Variants in CSNK1G1 observed in about 807,000 individuals in gnomAD.
CSNK1G1 encodes the protein casein kinase 1 gamma 1.
A neutral mutation model predicts 59.6 loss-of-function variants in CSNK1G1; 22 were observed. The observed-to-expected ratio is 0.37, with a 90% CI of 0.26 to 0.53. The LOEUF (loss-of-function observed/expected upper bound fraction) is 0.53, where lower values mean the gene tolerates loss of function less well. Ranked by LOEUF, CSNK1G1 falls within the 20% of genes least tolerant of loss-of-function variation. CSNK1G1 has a pLI of 0.89. For synonymous variants in CSNK1G1, 179 were observed against 177.1 expected, an observed-to-expected ratio of 1.01 and a Z score of -0.08; for missense variants, 384 against 519.5, an observed-to-expected ratio of 0.74 and a Z score of 2.54.
chr15:64,187,802 T>C (rs1567361936), intron 10 of CSNK1G1, among the ~76,000 whole-genome samples: 1 of 152,166 alleles, frequency 6.6e-6, no homozygotes, highest in South Asian at 2.1e-4. Flanking sequence ...ATACCAGATG[T>C]TCTAGTACTA....
chr15:64,246,967 TAACG>T (rs954279037), intron 4 of CSNK1G1, among the ~76,000 whole-genome samples: 3 of 152,098 alleles, frequency 2.0e-5, no homozygotes, highest in African/African-American at 4.8e-5. Context: ...TCTAGTCAAT[TAACG>T]AACATATACC....
chr15:64,254,482 G>A (rs1472552911), intron 3 of CSNK1G1, among the ~76,000 whole-genome samples: 1 of 151,834 alleles, frequency 6.6e-6, no homozygotes, highest in Admixed American at 6.6e-5. Context: ...CTCCCAAGTA[G>A]CTGGGATTAC....
chr15:64,263,578 T>C (rs1173543202), intron 2 of CSNK1G1, among the ~76,000 whole-genome samples: 2 of 152,200 alleles, frequency 1.3e-5, no homozygotes, highest in Admixed American at 1.3e-4. Flanking sequence ...TTTCCATTTT[T>C]AGCCCCTTCT....
rs544989295 is a variant in CSNK1G1 at position 64,257,250 on chromosome 15, G to A, written c.222+1951C>T. On this transcript the variant is annotated intron_variant, in intron 3 of 11. Transcript: ENST00000303052. Reference sequence around the variant, plus strand: ...TAACGATCAATCATGTCAACAATATGTTATGTAAGCTTATCTATACAGGTT... The same window carrying A: ...TAACGATCAATCATGTCAACAATATATTATGTAAGCTTATCTATACAGGTT... 5.3e-5 allele frequency among the ~76,000 whole-genome samples: 8 copies of A among 152,104 alleles called. 1 individual carries two copies. Among genetic ancestry groups the A allele is most frequent in the African/African-American group, 1.7e-4 (7 of 41,478 alleles).
chr15:64,331,188 T>C (rs957604480), intron 1 of CSNK1G1, among the ~76,000 whole-genome samples: 7 of 141,086 alleles, frequency 5.0e-5, no homozygotes, highest in South Asian at 2.3e-4. Context: ...TTAAAGTTCA[T>C]ATGGAACCAA....
intron 1 of CSNK1G1, among the ~76,000 whole-genome samples, chr15:64,325,137 T>C (rs1896776761): frequency 6.6e-6 from 1 of 152,202 alleles, no homozygotes; most frequent in South Asian, 2.1e-4. Flanking sequence ...TAGTGGACAC[T>C]TTTTCCTATA....
At chr15:64,243,978 G>A (rs1891615397) in intron 4 of CSNK1G1, among the ~76,000 whole-genome samples, 1 of 152,042 alleles carries the variant, frequency 6.6e-6, no homozygotes, top group African/African-American at 2.4e-5. Flanking sequence ...AGAACAGCCT[G>A]GCCAACATGG....
At chr15:64,254,140 C>CA (rs1182648519) in intron 3 of CSNK1G1, among the ~76,000 whole-genome samples, 3 of 145,378 alleles carry the variant, frequency 2.1e-5, no homozygotes, top group African/African-American at 5.1e-5. Context: ...ACTCCGTCTC[C>CA]AAAAAAACAA....
intron 5 of CSNK1G1, among the ~76,000 whole-genome samples, chr15:64,215,347 G>A (rs1363679456): frequency 6.6e-6 from 1 of 151,534 alleles, no homozygotes; most frequent in Non-Finnish European, 1.5e-5. Context: ...TGAGTAGCTG[G>A]GACTAAAGGC....
intron 3 of CSNK1G1, among the ~76,000 whole-genome samples, chr15:64,255,119 C>G (rs1336610410): frequency 6.6e-6 from 1 of 152,140 alleles, no homozygotes; most frequent in Admixed American, 6.5e-5. Flanking sequence ...CTCTGTCACC[C>G]AGGCTGGAGT....
intron 1 of CSNK1G1, among the ~76,000 whole-genome samples, chr15:64,324,285 T>G (rs1896724702): frequency 1.3e-5 from 2 of 152,348 alleles, no homozygotes; most frequent in Middle Eastern, 6.8e-3. Context: ...TGGGTGTTTC[T>G]GTGAGGGTAT....
intron 2 of CSNK1G1, among the ~76,000 whole-genome samples, chr15:64,296,440 A>C (rs1268124398): frequency 1.3e-5 from 2 of 151,896 alleles, no homozygotes; most frequent in Non-Finnish European, 2.9e-5. Flanking sequence ...CTATATTATC[A>C]CTTTGTATTG....
intron 10 of CSNK1G1, among the ~76,000 whole-genome samples, chr15:64,198,127 T>C (rs955323755): frequency 1.1e-4 from 17 of 152,110 alleles, no homozygotes; most frequent in African/African-American, 1.4e-4. Context: ...TATCTGTCCA[T>C]TTGGCTTATC....
chr15:64,292,651 G>A (rs1354919114), intron 2 of CSNK1G1, among the ~76,000 whole-genome samples: 1 of 152,178 alleles, frequency 6.6e-6, no homozygotes, highest in Non-Finnish European at 1.5e-5. Context: ...CCAGCCAGGT[G>A]CAGTGGCCCA....
intron 4 of CSNK1G1, among the ~76,000 whole-genome samples, chr15:64,224,787 G>A (rs1016908674): frequency 3.3e-5 from 5 of 152,134 alleles, no homozygotes; most frequent in African/African-American, 1.2e-4. Context: ...GGGGGAAGAG[G>A]CAGTGAGGAA....
chr15:64,298,802 G>A (rs1203967278), intron 2 of CSNK1G1, among the ~76,000 whole-genome samples: 2 of 151,774 alleles, frequency 1.3e-5, no homozygotes, highest in Non-Finnish European at 2.9e-5. Flanking sequence ...AGGCCGAGGC[G>A]GGTGGATCAC....
intron 4 of CSNK1G1, among the ~76,000 whole-genome samples, chr15:64,232,773 A>G (rs2082565404): frequency 1.3e-5 from 2 of 152,188 alleles, no homozygotes; most frequent in Admixed American, 1.3e-4. Flanking sequence ...GCTCTACTCA[A>G]TGCCAGAGAA....
intron 7 of CSNK1G1, among the ~76,000 whole-genome samples, chr15:64,207,268 T>C (rs2082195026): frequency 6.6e-6 from 1 of 152,192 alleles, no homozygotes; most frequent in African/African-American, 2.4e-5. Flanking sequence ...GTGTGTTGTT[T>C]TAAAAAAATA....
chr15:64,335,586 C>A (rs1040700179), intron 1 of CSNK1G1, among the ~76,000 whole-genome samples: 1 of 152,166 alleles, frequency 6.6e-6, no homozygotes, highest in Non-Finnish European at 1.5e-5. Context: ...CAGTATATTT[C>A]TTTCATGAAT....
Sources: allele counts gnomAD v4.1 joint callset (sites outside exome capture counted in the v4.1 genomes callset), GRCh38; gene constraint gnomAD v4.1.1; transcripts MANE v1.5; gene names NCBI Gene and HGNC (gene_info 2026-07-23, HGNC 2026-07-21).